CDH13: variants seen among roughly 807,000 people sequenced by gnomAD.
CDH13 encodes the protein cadherin 13, also known as cadherin-13.
CDH13 carries 24 observed loss-of-function variants against 63.8 expected under a neutral mutation model. That is an observed-to-expected ratio of 0.38 (90% confidence interval 0.27 to 0.53). The LOEUF is 0.53. Ranked by LOEUF, CDH13 falls within the 20% of genes least tolerant of loss-of-function variation. The probability of loss-of-function intolerance (pLI) is 0.85; values close to 1 mark genes in which losing one functional copy is unlikely to be tolerated. For missense variants in CDH13, 1,049 were observed against 903.1 expected (o/e 1.16, Z -2.07); for synonymous variants, 503 against 355.3 (o/e 1.42, Z -4.67).
intron 1 of CDH13, among the ~76,000 whole-genome samples, chr16:82,645,110 C>G (rs889357023): frequency 6.6e-6 from 1 of 152,102 alleles, no homozygotes; most frequent in Non-Finnish European, 1.5e-5. Flanking sequence ...CACTAACTCA[C>G]AGATCACACT....
intron 8 of CDH13, among the ~76,000 whole-genome samples, chr16:83,646,991 C>G (rs1036482149): frequency 2.6e-5 from 4 of 152,056 alleles, no homozygotes; most frequent in Non-Finnish European, 5.9e-5. Flanking sequence ...GGACTGCAGG[C>G]TTTCTCTCTC....
intron 3 of CDH13, among the ~76,000 whole-genome samples, chr16:83,098,603 T>C (rs1035075218): frequency 6.6e-6 from 1 of 152,204 alleles, no homozygotes; most frequent in Non-Finnish European, 1.5e-5. Context: ...CTTTCAATAA[T>C]GGGAGATATC....
In CDH13 at chr16:83,564,864, C is replaced by T. The variant is rs185098950; in HGVS notation, c.961-37590C>T. Among the ~76,000 whole-genome samples, 44 of 152,314 alleles carry T rather than the reference C, an allele frequency of 2.9e-4. No individual in the cohort carries two copies. The East Asian group carries it at 8.1e-3, about 28-fold the overall frequency. ...GGCTCCAGAGACCCCATGTCTGCCA[C>T]AGCACAATTGTCTGAGTCCTGCAGT... On this transcript the variant is annotated intron_variant, in intron 7 of 13. Transcript: ENST00000567109.
chr16:83,220,445 A>G (rs553659650), intron 5 of CDH13, among the ~76,000 whole-genome samples: 1 of 152,274 alleles, frequency 6.6e-6, no homozygotes, highest in East Asian at 1.9e-4. Context: ...TGGTTCTTCA[A>G]AGAGGAGAAT....
chr16:83,362,315 C>A (rs537029153), intron 6 of CDH13, among the ~76,000 whole-genome samples: 1 of 152,144 alleles, frequency 6.6e-6, no homozygotes, highest in Admixed American at 6.5e-5. Context: ...ATGTCACAGC[C>A]GCGTGTATGA....
intron 2 of CDH13, among the ~76,000 whole-genome samples, chr16:82,963,794 C>T (rs556376945): frequency 3.9e-5 from 6 of 152,170 alleles, no homozygotes; most frequent in African/African-American, 1.4e-4. Context: ...CCCCTTGGCA[C>T]GGGAAGCCCA....
intron 1 of CDH13, among the ~76,000 whole-genome samples, chr16:82,809,711 T>A (rs1358213761): frequency 6.6e-6 from 1 of 152,146 alleles, no homozygotes; most frequent in East Asian, 1.9e-4. Context: ...ACCATCTTTG[T>A]TCCCAAGAGG....
At chr16:83,651,947 G>A (rs565516779) in intron 8 of CDH13, among the ~76,000 whole-genome samples, 1 of 152,230 alleles carries the variant, frequency 6.6e-6, no homozygotes, top group African/African-American at 2.4e-5. Flanking sequence ...CTCTCCTCAC[G>A]CAGATTTTCA....
intron 8 of CDH13, among the ~76,000 whole-genome samples, chr16:83,626,014 T>TC (rs1910264249): frequency 6.6e-6 from 1 of 150,688 alleles, no homozygotes; most frequent in East Asian, 1.9e-4. Flanking sequence ...CTTGCTTCTT[T>TC]TTTTTTTTTT....
At chr16:83,376,159 T>C (rs1216246717) in intron 6 of CDH13, among the ~76,000 whole-genome samples, 1 of 152,184 alleles carries the variant, frequency 6.6e-6, no homozygotes, top group African/African-American at 2.4e-5. Context: ...CCTACTATTT[T>C]AGCAAATGAA....
chr16:83,488,104 A>C (rs1172987394), intron 7 of CDH13, among the ~76,000 whole-genome samples: 1 of 152,236 alleles, frequency 6.6e-6, no homozygotes, highest in Admixed American at 6.5e-5. Flanking sequence ...GCAATTTTAA[A>C]GTATATTAAT....
intron 10 of CDH13, among the ~76,000 whole-genome samples, chr16:83,716,766 G>A (rs254323): frequency 0.12 from 18,596 of 152,210 alleles, 1,281 homozygotes; most frequent in Middle Eastern, 0.2. Context: ...ATAGGCATGA[G>A]CCACCGCACC....
intron 2 of CDH13, chr16:82,859,621 C>G (rs1345542469): frequency 2.0e-5 from 3 of 151,668 alleles, no homozygotes; most frequent in Non-Finnish European, 4.4e-5. Context: ...GCTCCAAGGT[C>G]TTTTCAAGGA....
intron 2 of CDH13, among the ~76,000 whole-genome samples, chr16:82,938,247 A>G (rs906424760): frequency 1.3e-5 from 2 of 152,222 alleles, no homozygotes; most frequent in African/African-American, 4.8e-5. Context: ...GTTACATTGT[A>G]TATCTTACCT....
At chr16:83,408,554 A>T (rs1240789557) in intron 6 of CDH13, among the ~76,000 whole-genome samples, 1 of 152,230 alleles carries the variant, frequency 6.6e-6, no homozygotes, top group East Asian at 1.9e-4. Flanking sequence ...ATAAAAATAC[A>T]GTATAAAATA....
chr16:83,226,503 C>T (rs1294880988), intron 5 of CDH13, among the ~76,000 whole-genome samples: 1 of 152,206 alleles, frequency 6.6e-6, no homozygotes, highest in African/African-American at 2.4e-5. Flanking sequence ...ACCTGTGGCA[C>T]CTGGCCCACA....
At chr16:83,060,591 G>T (rs998710209) in intron 3 of CDH13, among the ~76,000 whole-genome samples, 1 of 152,124 alleles carries the variant, frequency 6.6e-6, no homozygotes, top group Non-Finnish European at 1.5e-5. Context: ...CATTCCCACT[G>T]CCTCATAACT....
chr16:83,779,651 C>T (rs1014917622), intron 11 of CDH13, among the ~76,000 whole-genome samples: 2 of 151,602 alleles, frequency 1.3e-5, no homozygotes, highest in African/African-American at 4.9e-5. Context: ...AGTGAGACAC[C>T]GTCTCTACAA....
In CDH13 at chr16:83,440,873, A is replaced by G. The variant is rs935821645; in HGVS notation, c.782-45604A>G. Among the ~76,000 whole-genome samples, 4 of 151,292 alleles carry G rather than the reference A, an allele frequency of 2.6e-5. No homozygotes were observed. The South Asian group carries it at 8.3e-4, about 32-fold the overall frequency. ...TGGCCTTTCTTAATTGTCCACTTGG[A>G]GTGTTTGCCAAGCGAAGAAAAGATG... On this transcript the variant is annotated intron_variant, in intron 6 of 13. Transcript: ENST00000567109.
Sources: allele counts gnomAD v4.1 joint callset (sites outside exome capture counted in the v4.1 genomes callset), GRCh38; gene constraint gnomAD v4.1.1; transcripts MANE v1.5; gene names NCBI Gene and HGNC (gene_info 2026-07-23, HGNC 2026-07-21).